Variants in VPS50 observed in about 807,000 individuals in gnomAD.
VPS50 encodes VPS50 subunit of EARP/GARPII complex.
In VPS50, 70 loss-of-function variants were observed where a neutral mutation model predicts 139.7. The ratio of observed to expected loss-of-function variants is 0.50; its 90% CI spans 0.41 to 0.61. The LOEUF is 0.61. Among genes scored for constraint, VPS50 ranks in the 20% least tolerant of loss-of-function variants. VPS50 has a pLI of 0.00. For synonymous variants in VPS50, 365 were observed against 376.7 expected (o/e 0.97, Z 0.36); for missense variants, 921 against 1,133.7 (o/e 0.81, Z 2.69).
chr7:93,268,753 TTCTTTGCTATTCACATG>T (rs879702287), intron 9 of VPS50, among the ~76,000 whole-genome samples: 39 of 152,256 alleles, frequency 2.6e-4, no homozygotes, highest in Non-Finnish European at 1.9e-4. Context: ...TTGACTCCAT[TTCTTTGCTATTCACATG>T]TCTTTGCTAT....
In VPS50 at chr7:93,253,861, A is replaced by G; in HGVS notation, c.227A>G (p.Lys76Arg). 1 of 1,577,854 alleles carries G rather than the reference A, an allele frequency of 6.3e-7. No individual in the cohort carries two copies. Among genetic ancestry groups the G allele is most frequent in the Non-Finnish European group, 8.7e-7 (1 of 1,150,624 alleles). The change falls in exon 4 of 28, where the codon AAG becomes AGG. Residue 76 changes from lysine to arginine, a missense_variant and splice_region_variant. Lys to Arg is a conservative substitution (Grantham distance 26, BLOSUM62 2). Transcript: ENST00000305866. ...SFDIVKYELE[K>R]LPPVLNLQEL... Reference sequence around the variant, plus strand: ...TCTTTCATGAATTTTTTTCTGTAGAAGCTTCCACCTGTTCTCAATTTGCAA... The same window carrying G: ...TCTTTCATGAATTTTTTTCTGTAGAGGCTTCCACCTGTTCTCAATTTGCAA...
At chr7:93,310,017 G>C (rs1159854053) in intron 19 of VPS50, among the ~76,000 whole-genome samples, 1 of 151,898 alleles carries the variant, frequency 6.6e-6, no homozygotes, top group African/African-American at 2.4e-5. Flanking sequence ...TGTTCTATTG[G>C]TTTTTGCGTA....
intron 13 of VPS50, 79 bp downstream of exon 13, chr7:93,291,914 G>C: frequency 1.1e-6 from 1 of 946,040 alleles, no homozygotes. Flanking sequence ...AAAGGAAAGG[G>C]GCAGGAATGC....
chr7:93,248,512 C>A (rs1795221582), intron 2 of VPS50, among the ~76,000 whole-genome samples: 1 of 152,074 alleles, frequency 6.6e-6, no homozygotes, highest in Admixed American at 6.6e-5. Flanking sequence ...ACATCGTTAT[C>A]TCTAATTAAA....
chr7:93,256,779 C>T (rs1044158796), intron 5 of VPS50, among the ~76,000 whole-genome samples: 2 of 151,906 alleles, frequency 1.3e-5, no homozygotes, highest in African/African-American at 4.8e-5. Flanking sequence ...ATATATGATT[C>T]TAAAGTGATC....
intron 20 of VPS50, among the ~76,000 whole-genome samples, chr7:93,316,247 A>G (rs1330185234): frequency 6.6e-6 from 1 of 152,264 alleles, no homozygotes; most frequent in East Asian, 1.9e-4. Context: ...AGCAGAGGAG[A>G]TGTGACGAGA....
intron 18 of VPS50, among the ~76,000 whole-genome samples, chr7:93,306,967 G>T (rs1323463390): frequency 6.6e-6 from 1 of 151,524 alleles, no homozygotes; most frequent in Non-Finnish European, 1.5e-5. Flanking sequence ...GTGACATTTT[G>T]CCTCTGTGAA....
chr7:93,239,685 C>G, intron 1 of VPS50, among the ~76,000 whole-genome samples, 181 bp from the exon 2 acceptor site: 1 of 152,258 alleles, frequency 6.6e-6, no homozygotes, highest in Non-Finnish European at 1.5e-5. Flanking sequence ...ACACCCTTCT[C>G]TGATTTAATA....
At chr7:93,283,215 T>G (rs1198016318) in intron 12 of VPS50, among the ~76,000 whole-genome samples, 1 of 151,402 alleles carries the variant, frequency 6.6e-6, no homozygotes, top group Non-Finnish European at 1.5e-5. Flanking sequence ...TTACTGAGCT[T>G]TTTTCTTTTT....
At chr7:93,356,734 G>C (rs1798718410) in intron 27 of VPS50, among the ~76,000 whole-genome samples, 1 of 152,052 alleles carries the variant, frequency 6.6e-6, no homozygotes, top group Non-Finnish European at 1.5e-5. Context: ...TCTGTATATG[G>C]CATGTGTTAA....
At chr7:93,354,436 G>C (rs1237049085) in intron 26 of VPS50, among the ~76,000 whole-genome samples, 2 of 151,942 alleles carry the variant, frequency 1.3e-5, no homozygotes, top group Non-Finnish European at 2.9e-5. Context: ...TGAAACTACA[G>C]GTGTGTGCCA....
intron 9 of VPS50, among the ~76,000 whole-genome samples, chr7:93,260,711 T>A (rs1033823318): frequency 3.9e-5 from 6 of 151,930 alleles, no homozygotes; most frequent in Admixed American, 3.9e-4. Flanking sequence ...GTTTTTTATT[T>A]TAAAGATGGA....
chr7:93,292,038 T>A (rs1001958890), intron 13 of VPS50, among the ~76,000 whole-genome samples: 10 of 152,082 alleles, frequency 6.6e-5, no homozygotes, highest in African/African-American at 2.4e-4. Context: ...AAAGGACTTT[T>A]TAAGTGGCAC....
At chr7:93,325,233 G>A (rs1421589533) in intron 21 of VPS50, among the ~76,000 whole-genome samples, 2 of 152,178 alleles carry the variant, frequency 1.3e-5, no homozygotes, top group Non-Finnish European at 2.9e-5. Context: ...TTGGAAAACT[G>A]GCTAGCCATA....
Position 93,284,853 on chromosome 7 carries a change from A to AT in VPS50, c.943-6849dup, listed in dbSNP as rs1302036237. ...CATCTAGTTCAGTGCTCTTTCCACT[A>AT]TGCAGTACTACCTCTCTGGTTTCCA... On this transcript the variant is annotated intron_variant, in intron 12 of 27. Coordinates refer to ENST00000305866, the MANE Select transcript of VPS50 (RefSeq NM_017667.4). 2.0e-5 allele frequency among the ~76,000 whole-genome samples: 3 copies of AT among 152,334 alleles called. No individual in the cohort carries two copies. The East Asian group carries it at 5.8e-4, about 29-fold the overall frequency.
intron 13 of VPS50, among the ~76,000 whole-genome samples, chr7:93,293,029 T>C (rs538665199): frequency 6.6e-6 from 1 of 152,260 alleles, no homozygotes; most frequent in African/African-American, 2.4e-5. Context: ...AGACACTGCT[T>C]ATTTTTCCCA....
intron 23 of VPS50, among the ~76,000 whole-genome samples, chr7:93,347,865 T>C (rs1798446838): frequency 1.4e-5 from 2 of 147,408 alleles, no homozygotes; most frequent in Admixed American, 6.7e-5. Flanking sequence ...CTGGGAGATA[T>C]ACCTAATGCT....
intron 4 of VPS50, among the ~76,000 whole-genome samples, chr7:93,255,237 T>C (rs1795452183): frequency 6.6e-6 from 1 of 152,222 alleles, no homozygotes. Flanking sequence ...TGAGCTTGTT[T>C]TCCTGCAGTT....
intron 11 of VPS50, among the ~76,000 whole-genome samples, chr7:93,274,172 A>G (rs1053623307): frequency 6.6e-6 from 1 of 152,282 alleles, no homozygotes; most frequent in South Asian, 2.1e-4. Flanking sequence ...ACTTTAAATC[A>G]AAAGCTAGAA....
Sources: gnomAD v4.1 joint callset for allele counts (sites outside exome capture counted in the v4.1 genomes callset) on GRCh38, gnomAD v4.1.1 for gene constraint, MANE v1.5 for transcripts, NCBI Gene and HGNC (gene_info 2026-07-23, HGNC 2026-07-21) for gene names.